Variants in NPAS4 observed in about 807,000 individuals in gnomAD.
NPAS4 encodes neuronal PAS domain protein 4.
Under a neutral mutation model 64.0 loss-of-function variants are expected in NPAS4, and 10 were observed. The observed-to-expected ratio is 0.16, with a 90% CI of 0.10 to 0.26. The LOEUF (loss-of-function observed/expected upper bound fraction) is 0.26. NPAS4 is among the 10% of genes least tolerant of loss of function. The pLI, the probability that NPAS4 is intolerant of heterozygous loss-of-function variation, is 1.00. For synonymous variants in NPAS4, 441 were observed against 411.7 expected, an observed-to-expected ratio of 1.07 and a Z score of -0.86; for missense variants, 886 against 992.6, an observed-to-expected ratio of 0.89 and a Z score of 1.44.
chr11:66,420,024 C>G (rs1031136583), upstream of NPAS4, among the ~76,000 whole-genome samples: 2 of 152,220 alleles, frequency 1.3e-5, no homozygotes, highest in Non-Finnish European at 2.9e-5. Flanking sequence ...CGGCAGCCGC[C>G]GGAGGATTCC....
At chr11:66,419,397 T>C (rs923600030), upstream of NPAS4, among the ~76,000 whole-genome samples, 1 of 152,138 alleles carries the variant, frequency 6.6e-6, no homozygotes, top group Admixed American at 6.5e-5. Flanking sequence ...ACCACCCCTT[T>C]CCATGAGGAG....
chr11:66,423,010 T>G, intron 4 of NPAS4, 69 bp downstream of exon 4: 2 of 1,561,272 alleles, frequency 1.3e-6, no homozygotes, highest in South Asian at 1.1e-5. Flanking sequence ...GATTCTGGAG[T>G]CAGGGGCAGG....
At chr11:66,413,343 G>T in the NPAS4 span, among the ~76,000 whole-genome samples, 1 of 152,374 alleles carries the variant, frequency 6.6e-6, no homozygotes, top group East Asian at 1.9e-4. Context: ...GCAGGCCAGG[G>T]ACTGGAAGAA....
upstream of NPAS4, among the ~76,000 whole-genome samples, chr11:66,417,712 G>C (rs1856686842): frequency 6.6e-6 from 1 of 151,952 alleles, no homozygotes; most frequent in African/African-American, 2.4e-5. Flanking sequence ...CTCAGATATG[G>C]ACACAAACAC....
In NPAS4 at chr11:66,421,327, A is replaced by C; in HGVS notation, c.148A>C (p.Thr50Pro). 1 of 1,614,012 alleles carries C rather than the reference A, an allele frequency of 6.2e-7. No individual in the cohort carries two copies. Among genetic ancestry groups the C allele is most frequent in the Non-Finnish European group, 8.5e-7 (1 of 1,179,950 alleles). The change falls in exon 1 of 8, where the codon ACT becomes CCT. Residue 50 changes from threonine (T) to proline (P), a missense_variant. Transcript: ENST00000311034. Reference sequence around the variant, plus strand: ...CATCATGAGCCTCGCCTGCATCTACACTCGCAAGGGCGTCTTCTTCGCTGG... The same window carrying C: ...CATCATGAGCCTCGCCTGCATCTACCCTCGCAAGGGCGTCTTCTTCGCTGG... ...LHIMSLACIY[T>P]RKGVFFAGGT...
the NPAS4 span, among the ~76,000 whole-genome samples, chr11:66,411,208 G>A: frequency 9.7e-3 from 1,484 of 152,306 alleles, 23 homozygotes; most frequent in African/African-American, 0.034. Context: ...CTGGGGCTTG[G>A]GGTTGCAGCA....
chr11:66,421,926 G>T (rs1273686926), intron 1 of NPAS4, among the ~76,000 whole-genome samples, 194 bp from the exon 2 acceptor site: 1 of 152,244 alleles, frequency 6.6e-6, no homozygotes, highest in Non-Finnish European at 1.5e-5. Context: ...TTTAGAAGTC[G>T]AGGGCTTGTG....
At chr11:66,421,734 T>C (rs1053061263) in intron 1 of NPAS4, among the ~76,000 whole-genome samples, 1 of 152,112 alleles carries the variant, frequency 6.6e-6, no homozygotes, top group Admixed American at 6.5e-5. Context: ...CTGAAAGGGA[T>C]CTCCTGTCGC....
chr11:66,416,568 T>C (rs191519110), upstream of NPAS4, among the ~76,000 whole-genome samples: 1 of 152,344 alleles, frequency 6.6e-6, no homozygotes, highest in East Asian at 1.9e-4. Context: ...ATAAGTTAAG[T>C]AGTTGCAGCT....
the NPAS4 span, among the ~76,000 whole-genome samples, chr11:66,412,308 T>C: frequency 6.6e-6 from 1 of 152,204 alleles, no homozygotes; most frequent in Non-Finnish European, 1.5e-5. Flanking sequence ...GGGCAGCTGC[T>C]GCCCGGGGAA....
intron 5 of NPAS4, 23 bp from the exon 6 acceptor site, chr11:66,423,555 C>T (rs377669642): frequency 2.6e-5 from 42 of 1,613,308 alleles, no homozygotes; most frequent in Non-Finnish European, 3.1e-5. Flanking sequence ...GACATCCTAA[C>T]TCTGCATCTT....
Position 66,425,983 on chromosome 11 carries a change from G to A in NPAS4, c.2403G>A (p.Thr801=). ...FHEDGSGGEP[T]F Reference sequence around the variant, plus strand: ...CAGATGGAAGTGGAGGGGAACCAACGTTTTGAATAAGTCTGTGACTTAACG... The same window carrying A: ...CAGATGGAAGTGGAGGGGAACCAACATTTTGAATAAGTCTGTGACTTAACG... The change falls in exon 8 of 8, where the codon ACG becomes ACA. Residue 801 remains threonine (T), a synonymous_variant. Coordinates refer to ENST00000311034, the MANE Select transcript of NPAS4 (RefSeq NM_178864.4). The A allele has an allele frequency of 6.2e-7, 1 of 1,611,962 alleles. No homozygotes were observed. Among genetic ancestry groups the A allele is most frequent in the Non-Finnish European group, 8.5e-7 (1 of 1,178,040 alleles).
At position 66,425,106 on chromosome 11, in the gene NPAS4, C is replaced by A. The variant is rs1856819836; in HGVS notation, c.2216C>A (p.Ala739Asp). Residue 739 changes from alanine (A) to aspartate (D), a missense_variant, in exon 7 of 8, where the codon GCC becomes GAC. Ala to Asp is a moderately radical substitution (Grantham distance 126, BLOSUM62 -2). This residue lies in a region of NPAS4 where 820 missense variants were observed against 855.5 expected (regional missense o/e 0.96). Transcript: ENST00000311034. ...CCTGAGGCAGAGGGCCCAGGAGGGG[C>A]CCCATCGCCTTGCAACAACCTGTCC... Reference protein sequence around the residue: ...GDPEAEGPGGAPSPCNNLSPE... With the variant: ...GDPEAEGPGGDPSPCNNLSPE... 1 of 1,604,444 alleles carries A rather than the reference C, an allele frequency of 6.2e-7. No individual in the cohort carries two copies. Among genetic ancestry groups the A allele is most frequent in the Non-Finnish European group, 8.5e-7 (1 of 1,176,538 alleles).
rs1364675857 is a variant in NPAS4 at position 66,423,421 on chromosome 11, G to A, written c.809-157G>A. On this transcript the variant is annotated intron_variant, in intron 5 of 7. Transcript: ENST00000311034. ...TCAAATCAGAACTGGGGGACTCTGA[G>A]TGGTGAGGTCAAGGTAGAGAGCTGA... is the stretch of plus-strand genomic sequence containing the variant. The A allele has an allele frequency of 7.9e-6, 7 of 881,324 alleles. No homozygotes were observed. In the East Asian group the frequency reaches 1.3e-4, roughly 16 times the overall value. 54.6% of individuals were successfully genotyped at this position (881,324 alleles called of 1,614,324 possible).
upstream of NPAS4, among the ~76,000 whole-genome samples, chr11:66,416,249 C>T (rs1856667858): frequency 1.3e-5 from 2 of 152,206 alleles, no homozygotes; most frequent in Admixed American, 6.5e-5. Context: ...CATGCCCTTG[C>T]CTGCTGAGGG....
upstream of NPAS4, among the ~76,000 whole-genome samples, chr11:66,419,782 A>G (rs1856711059): frequency 6.6e-6 from 1 of 152,216 alleles, no homozygotes; most frequent in East Asian, 1.9e-4. Context: ...ACGAAGGTGG[A>G]AAGTGGAGAG....
the NPAS4 span, among the ~76,000 whole-genome samples, chr11:66,414,269 G>A: frequency 6.6e-6 from 1 of 152,146 alleles, no homozygotes; most frequent in African/African-American, 2.4e-5. Flanking sequence ...CCTCCCCAGG[G>A]CAGGTCAAGA....
chr11:66,424,238 A>G lies in NPAS4; in HGVS notation c.1348A>G (p.Thr450Ala). Residue 450 changes from threonine to alanine, a missense_variant, in exon 7 of 8, where the codon ACC becomes GCC. Physicochemically the swap from Thr to Ala is moderately conservative, Grantham distance 58 (BLOSUM62 0). Coordinates refer to ENST00000311034, the MANE Select transcript of NPAS4 (RefSeq NM_178864.4). ...LHEPFQTHLP[T>A]PSSTLQEQLT... is the part of the protein sequence containing the mutation. ...TGAGCCCTTCCAGACCCATTTGCCCACCCCATCCAGCACTCTTCAAGAACA... is the reference window on the plus strand; with the variant it reads ...TGAGCCCTTCCAGACCCATTTGCCCGCCCCATCCAGCACTCTTCAAGAACA... The G allele has an allele frequency of 1.2e-6, 2 of 1,613,640 alleles. No homozygotes were observed. The highest frequency in any genetic ancestry group is 8.5e-7 in the Non-Finnish European group (1 of 1,179,942).
At chr11:66,412,262 G>A in the NPAS4 span, among the ~76,000 whole-genome samples, 3 of 152,250 alleles carry the variant, frequency 2.0e-5, no homozygotes, top group Admixed American at 6.5e-5. Context: ...GGCCCGGCCC[G>A]GGACCTCCGT....
Sources: gnomAD v4.1 joint callset for allele counts (sites outside exome capture counted in the v4.1 genomes callset) on GRCh38, gnomAD v4.1.1 for gene constraint, gnomAD v4.1.1 regional missense constraint, MANE v1.5 for transcripts, NCBI Gene and HGNC (gene_info 2026-07-23, HGNC 2026-07-21) for gene names.